The following TRDN variants were observed in gnomAD, a reference collection of about 807,000 sequenced individuals.
The protein encoded by TRDN is triadin.
TRDN carries 161 observed loss-of-function variants against 149.7 expected under a neutral mutation model. The observed-to-expected ratio is 1.08, with a 90% CI of 0.95 to 1.23. The LOEUF (loss-of-function observed/expected upper bound fraction) is 1.23, where lower values mean the gene tolerates loss of function less well. Ranked by LOEUF, TRDN falls within the 50% of genes most tolerant of loss-of-function variation. TRDN has a pLI of 0.00. For missense variants in TRDN, 896 were observed against 823.5 expected, an observed-to-expected ratio of 1.09 and a Z score of -1.08; for synonymous variants, 294 against 250.5, an observed-to-expected ratio of 1.17 and a Z score of -1.64.
chr6:123,591,564 A>AT (rs1329397842), intron 1 of TRDN, among the ~76,000 whole-genome samples: 1 of 152,180 alleles, frequency 6.6e-6, no homozygotes, highest in Non-Finnish European at 1.5e-5. Context: ...TTATTAAGTT[A>AT]TTTAAAAGGT....
intron 24 of TRDN, among the ~76,000 whole-genome samples, chr6:123,296,224 A>G (rs1177352566): frequency 2.0e-5 from 3 of 152,182 alleles, no homozygotes; most frequent in Non-Finnish European, 2.9e-5. Flanking sequence ...TTTTAAGACC[A>G]GTGATTCTGA....
intron 1 of TRDN, among the ~76,000 whole-genome samples, chr6:123,594,261 A>G (rs992489688): frequency 6.6e-6 from 1 of 152,124 alleles, no homozygotes; most frequent in Non-Finnish European, 1.5e-5. Context: ...TTTAAATAAG[A>G]TTTTAACATT....
At chr6:123,504,150 T>C (rs1010606399) in intron 7 of TRDN, among the ~76,000 whole-genome samples, 18 of 152,008 alleles carry the variant, frequency 1.2e-4, no homozygotes, top group African/African-American at 3.9e-4. Context: ...AAAAGTGTTA[T>C]GGCTTTTAAT....
intron 5 of TRDN, among the ~76,000 whole-genome samples, chr6:123,526,676 T>C (rs574892694): frequency 7.0e-4 from 107 of 152,180 alleles, no homozygotes; most frequent in African/African-American, 2.4e-3. Context: ...TCATCCATAG[T>C]AGATAAACAC....
intron 38 of TRDN, among the ~76,000 whole-genome samples, chr6:123,226,005 T>C (rs1232168332): frequency 6.6e-6 from 1 of 151,838 alleles, no homozygotes; most frequent in Non-Finnish European, 1.5e-5. Context: ...TATGCAAATT[T>C]CGTCTAACAG....
intron 24 of TRDN, among the ~76,000 whole-genome samples, chr6:123,300,860 T>G (rs1418222179): frequency 6.6e-6 from 1 of 151,996 alleles, no homozygotes; most frequent in Non-Finnish European, 1.5e-5. Flanking sequence ...CCAAGCATTT[T>G]AAAAGAAATA....
chr6:123,610,605 A>C (rs964000627), intron 1 of TRDN, among the ~76,000 whole-genome samples: 2 of 152,186 alleles, frequency 1.3e-5, no homozygotes, highest in Non-Finnish European at 2.9e-5. Flanking sequence ...TATCTGTGAC[A>C]AATGCTACAA....
chr6:123,355,122 T>G (rs1358485342), intron 20 of TRDN, among the ~76,000 whole-genome samples: 1 of 151,588 alleles, frequency 6.6e-6, no homozygotes, highest in Non-Finnish European at 1.5e-5. Context: ...TTTTTAATGT[T>G]TTTTACATTG....
At chr6:123,456,374 A>C (rs1776121130) in intron 10 of TRDN, among the ~76,000 whole-genome samples, 1 of 152,232 alleles carries the variant, frequency 6.6e-6, no homozygotes, top group Non-Finnish European at 1.5e-5. Flanking sequence ...AAAACAAACT[A>C]GTAACACATT....
chr6:123,378,453 AGTGTGT>A (rs59816098), intron 16 of TRDN, among the ~76,000 whole-genome samples: 32,698 of 136,180 alleles, frequency 0.24, 3,921 homozygotes, highest in Middle Eastern at 0.31. Context: ...CCAGATTTGT[AGTGTGT>A]GTGTGTGTGT....
In TRDN at chr6:123,355,820, A is replaced by T. The variant is rs976717180; in HGVS notation, c.1322-3234T>A. On this transcript the variant is annotated intron_variant, in intron 20 of 40. Transcript: ENST00000334268. ...TCTCAAATATGTTAAAATGTAAGAG[A>T]TCTTCAAGAACATTATGCATAATTT... is the stretch of plus-strand genomic sequence containing the variant. Among the ~76,000 whole-genome samples, 4 of 151,734 alleles carry T rather than the reference A, an allele frequency of 2.6e-5. 1 individual carries two copies. Among genetic ancestry groups the T allele is most frequent in the Non-Finnish European group, 4.4e-5 (3 of 67,698 alleles).
At chr6:123,414,438 T>C (rs569629835) in intron 12 of TRDN, among the ~76,000 whole-genome samples, 48 of 152,242 alleles carry the variant, frequency 3.2e-4, no homozygotes, top group African/African-American at 1.1e-3. Flanking sequence ...ATGGAATATA[T>C]TGGATATTAG....
In TRDN at chr6:123,453,906, T is replaced by A. The variant is rs147098465; in HGVS notation, c.931+11000A>T. Among the ~76,000 whole-genome samples the A allele has an allele frequency of 2.8e-4, 42 of 152,032 alleles. No homozygotes were observed. In the East Asian group the frequency reaches 7.9e-3, roughly 29 times the overall value. On this transcript the variant is annotated intron_variant, in intron 10 of 40. Transcript: ENST00000334268. Reference sequence around the variant, plus strand: ...AGAAACTGTGGTGTGTGTGTGTGTGTGTGTGTGTATGTATATATATACATG... The same window carrying A: ...AGAAACTGTGGTGTGTGTGTGTGTGAGTGTGTGTATGTATATATATACATG...
intron 1 of TRDN, among the ~76,000 whole-genome samples, chr6:123,601,654 C>G (rs894521376): frequency 6.6e-6 from 1 of 152,110 alleles, no homozygotes; most frequent in Non-Finnish European, 1.5e-5. Flanking sequence ...GATTTGCACA[C>G]ATTCTCACTT....
chr6:123,587,840 C>T (rs941436692), intron 1 of TRDN, among the ~76,000 whole-genome samples: 1 of 151,928 alleles, frequency 6.6e-6, no homozygotes, highest in African/African-American at 2.4e-5. Context: ...CAGGATGAGC[C>T]AGGAGAAGGA....
chr6:123,608,234 T>C (rs1185846205), intron 1 of TRDN, among the ~76,000 whole-genome samples: 1 of 151,856 alleles, frequency 6.6e-6, no homozygotes, highest in Non-Finnish European at 1.5e-5. Context: ...AGTATCTCTG[T>C]ACTTTAAGTT....
intron 21 of TRDN, chr6:123,352,153 C>T (rs1343693046): frequency 6.1e-6 from 6 of 981,492 alleles, no homozygotes; most frequent in African/African-American, 1.8e-5. Flanking sequence ...ATAGTTTTTG[C>T]ATGTATAGGA....
At chr6:123,443,271 GA>G (rs907180730) in intron 10 of TRDN, among the ~76,000 whole-genome samples, 24 of 147,654 alleles carry the variant, frequency 1.6e-4, no homozygotes, top group African/African-American at 6.0e-4. Flanking sequence ...TGATGATAAA[GA>G]TTAGGAAAAA....
At chr6:123,469,909 T>G (rs950206835) in intron 9 of TRDN, 7 of 152,348 alleles carry the variant, frequency 4.6e-5, no homozygotes, top group East Asian at 1.9e-4. Flanking sequence ...CAGAACAGTA[T>G]GAGCTCAGTA....
Sources: allele counts gnomAD v4.1 joint callset (sites outside exome capture counted in the v4.1 genomes callset), GRCh38; gene constraint gnomAD v4.1.1; transcripts MANE v1.5; gene names NCBI Gene and HGNC (gene_info 2026-07-23, HGNC 2026-07-21).